The following AASS variants were observed in gnomAD, a reference collection of about 807,000 sequenced individuals.
AASS encodes aminoadipate-semialdehyde synthase.
Under a neutral mutation model 105.4 loss-of-function variants are expected in AASS, and 86 were observed. The observed-to-expected ratio is 0.82, with a 90% CI of 0.69 to 0.98. The LOEUF (loss-of-function observed/expected upper bound fraction) is 0.98. Among genes scored for constraint, AASS ranks in the 50% least tolerant of loss-of-function variants. AASS has a pLI of 0.00. For synonymous variants in AASS, 381 were observed against 394.8 expected (o/e 0.96, Z 0.41); for missense variants, 1,048 against 1,143.2 (o/e 0.92, Z 1.20).
At position 122,091,683 on chromosome 7, in the gene AASS, G is replaced by A; in HGVS notation, c.2016+20C>T. The A allele has an allele frequency of 6.2e-7, 1 of 1,613,248 alleles. No individual in the cohort carries two copies. The highest frequency in any genetic ancestry group is 8.5e-7 in the Non-Finnish European group (1 of 1,179,504). ...TGTTATTGCAGGTTGATATCACTAT[G>A]CTTGGATAAGATTCCTCACCTTTCC... On this transcript the variant is annotated intron_variant, in intron 18 of 23. Transcript: ENST00000417368.
rs199555865 is a variant in AASS, at chr7:122,098,730, T to C, written c.1528+15A>G. On this transcript the variant is annotated intron_variant, in intron 14 of 23. Coordinates refer to ENST00000417368, the MANE Select transcript of AASS (RefSeq NM_005763.4). ...AAAATACATTTTTCTTCTTCAAAAATTAGGGCTTATTTACCTACTGTTATT... is the reference window on the plus strand; with the variant it reads ...AAAATACATTTTTCTTCTTCAAAAACTAGGGCTTATTTACCTACTGTTATT... 45 of 1,605,326 alleles carry C rather than the reference T, an allele frequency of 2.8e-5. No homozygotes were observed. The highest frequency in any genetic ancestry group is 2.6e-6 in the Non-Finnish European group (3 of 1,174,980).
intron 1 of AASS, 128 bp from the exon 2 acceptor site, chr7:122,133,869 G>A (rs1796025423): frequency 1.2e-6 from 1 of 844,810 alleles, no homozygotes; most frequent in South Asian, 1.5e-5. Context: ...GTAGAGAAGA[G>A]GGAAGGGAAA....
In AASS at chr7:122,086,041, T is replaced by C; in HGVS notation, c.2155A>G (p.Thr719Ala). The change falls in exon 19 of 24, where the codon ACT becomes GCT. Residue 719 changes from threonine to alanine, a missense_variant. Thr to Ala is a moderately conservative substitution (Grantham distance 58). Coordinates refer to ENST00000417368, the MANE Select transcript of AASS (RefSeq NM_005763.4). Reference protein sequence around the residue: ...AEIYGISSAHTLLRGTLRYKG... With the variant: ...AEIYGISSAHALLRGTLRYKG... ...TATCTCAGTGTCCCCCGCAACAAAGTGTGAGCAGAAGAAATGCCATAAATC... is the reference window on the plus strand; with the variant it reads ...TATCTCAGTGTCCCCCGCAACAAAGCGTGAGCAGAAGAAATGCCATAAATC... 6.2e-7 allele frequency: 1 copy of C among 1,613,612 alleles called. No homozygotes were observed.
At chr7:122,092,554 A>C (rs888344039) in intron 17 of AASS, among the ~76,000 whole-genome samples, 1 of 151,990 alleles carries the variant, frequency 6.6e-6, no homozygotes, top group South Asian at 2.1e-4. Flanking sequence ...GAGAAACCCC[A>C]TCTCTACTAA....
chr7:122,133,129 T>A (rs1475308303), intron 2 of AASS, among the ~76,000 whole-genome samples: 1 of 152,122 alleles, frequency 6.6e-6, no homozygotes, highest in African/African-American at 2.4e-5. Flanking sequence ...CATATATATG[T>A]ATATTGCTAA....
chr7:122,101,303 T>TA, intron 13 of AASS, 68 bp downstream of exon 13: 1 of 1,269,006 alleles, frequency 7.9e-7, no homozygotes, highest in Non-Finnish European at 1.2e-6. Context: ...ATTGAAGCAT[T>TA]AAAAAATACT....
chr7:122,118,667 T>C (rs757241156), intron 4 of AASS, 37 bp from the exon 5 acceptor site: 1 of 1,598,872 alleles, frequency 6.3e-7, no homozygotes, highest in East Asian at 2.2e-5. Context: ...GACTATTAGT[T>C]GGGAAGAATT....
intron 3 of AASS, among the ~76,000 whole-genome samples, chr7:122,127,839 T>C (rs1411035950): frequency 6.6e-6 from 1 of 152,124 alleles, no homozygotes; most frequent in Non-Finnish European, 1.5e-5. Flanking sequence ...CCACCTGGTC[T>C]CTCACAACTA....
chr7:122,123,669 C>T (rs191674043), intron 4 of AASS, among the ~76,000 whole-genome samples: 173 of 152,274 alleles, frequency 1.1e-3, no homozygotes, highest in African/African-American at 4.0e-3. Flanking sequence ...TCCTTTCTCC[C>T]CTTTCCACTG....
chr7:122,143,625 A>C (rs1257196536), intron 1 of AASS, among the ~76,000 whole-genome samples: 1 of 151,752 alleles, frequency 6.6e-6, no homozygotes, highest in African/African-American at 2.4e-5. Context: ...GCAGCCCAAG[A>C]TGGACAAGGA....
chr7:122,122,696 T>C (rs1421780701), intron 4 of AASS, among the ~76,000 whole-genome samples: 1 of 152,156 alleles, frequency 6.6e-6, no homozygotes, highest in African/African-American at 2.4e-5. Flanking sequence ...CTATCCACCA[T>C]GTATCTATCA....
chr7:122,082,994 G>A, intron 19 of AASS: 2 of 601,018 alleles, frequency 3.3e-6, no homozygotes, highest in South Asian at 3.0e-5. Flanking sequence ...GAAGCAGGGT[G>A]AGAAGGCTAA....
intron 2 of AASS, among the ~76,000 whole-genome samples, chr7:122,131,943 T>C (rs1562992516): frequency 6.6e-6 from 1 of 151,936 alleles, no homozygotes; most frequent in Non-Finnish European, 1.5e-5. Flanking sequence ...ATTCAGACAT[T>C]AAAAAGAATA....
At chr7:122,080,411 A>G (rs1793255665) in intron 20 of AASS, among the ~76,000 whole-genome samples, 1 of 152,170 alleles carries the variant, frequency 6.6e-6, no homozygotes. Context: ...TGTGGCCCAT[A>G]AAGTCTAAAA....
At chr7:122,101,534 G>C in intron 12 of AASS, 87 bp downstream of exon 12, 1 of 1,474,200 alleles carries the variant, frequency 6.8e-7, no homozygotes, top group Non-Finnish European at 9.5e-7. Context: ...GAATGACAAA[G>C]ATGGAGAGAG....
chr7:122,135,123 A>G (rs986069613), intron 1 of AASS, among the ~76,000 whole-genome samples: 2 of 151,966 alleles, frequency 1.3e-5, no homozygotes, highest in African/African-American at 2.4e-5. Context: ...GGGGCCTGTC[A>G]TGGGGTGCGG....
At chr7:122,098,959 TA>T in intron 13 of AASS, 93 bp from the exon 14 acceptor site, 1 of 1,311,396 alleles carries the variant, frequency 7.6e-7, no homozygotes, top group South Asian at 1.5e-5. Context: ...CAAATCATAC[TA>T]AAACCTAAAT....
At chr7:122,084,378 C>A (rs1793519727) in intron 19 of AASS, among the ~76,000 whole-genome samples, 1 of 152,096 alleles carries the variant, frequency 6.6e-6, no homozygotes, top group South Asian at 2.1e-4. Context: ...AAAATTATAA[C>A]TTAAAATGCT....
intron 4 of AASS, among the ~76,000 whole-genome samples, chr7:122,123,050 C>G (rs1795506865): frequency 6.6e-6 from 1 of 152,164 alleles, no homozygotes; most frequent in Admixed American, 6.5e-5. Context: ...AGTCTCTCCA[C>G]TCTGGCTGAT....
Sources: allele counts gnomAD v4.1 joint callset (sites outside exome capture counted in the v4.1 genomes callset), GRCh38; gene constraint gnomAD v4.1.1; transcripts MANE v1.5; gene names NCBI Gene and HGNC (gene_info 2026-07-23, HGNC 2026-07-21).